The following FLNC variants were observed in gnomAD, a reference collection of about 807,000 sequenced individuals.
FLNC encodes filamin-C.
A neutral mutation model predicts 254.3 loss-of-function variants in FLNC; 91 were observed. That is an observed-to-expected ratio of 0.36 (90% confidence interval 0.30 to 0.43). The LOEUF is 0.43. Among genes scored for constraint, FLNC ranks in the 20% least tolerant of loss-of-function variants. The pLI, the probability that FLNC is intolerant of heterozygous loss-of-function variation, is 1.00. For missense variants in FLNC, 2,853 were observed against 3,802.6 expected (o/e 0.75, Z 6.57); for synonymous variants, 1,430 against 1,577.2 (o/e 0.91, Z 2.21).
In FLNC at chr7:128,853,324, C is replaced by G. The variant is rs113098816; in HGVS notation, c.6209-145C>G. 3.4e-3 allele frequency: 3,514 copies of G among 1,027,666 alleles called. 95 individuals carry two copies. The African/African-American group carries it at 0.05, about 15-fold the overall frequency. The allele number at this position is 1,027,666 out of a possible 1,614,324, so 63.7% of individuals were successfully genotyped here. A position where few individuals can be genotyped will look rare whatever the true frequency, so the allele number is the denominator to read the frequency against. On this transcript the variant is annotated intron_variant, in intron 37 of 47. Coordinates refer to ENST00000325888, the MANE Select transcript of FLNC (RefSeq NM_001458.5). ...CAGACCGCCTGTCCCGTGGTGCCCC[C>G]GCTCCTCCCACTGAGCCATTTTTGT...
At position 128,857,402 on chromosome 7, in the gene FLNC, G is replaced by A. The variant is rs1223831886; in HGVS notation, c.7780+66G>A. On this transcript the variant is annotated intron_variant, in intron 46 of 47. Coordinates refer to ENST00000325888, the MANE Select transcript of FLNC (RefSeq NM_001458.5). This position sits in a 1 kb window ranked among gnomAD's most constrained non-coding sequence, Gnocchi z 4.5. ...CAGCCCAGCCTGGAGGGCTCCGGTGGCCACGCACATCTAGGCCATAGTCTG... is the reference window on the plus strand; with the variant it reads ...CAGCCCAGCCTGGAGGGCTCCGGTGACCACGCACATCTAGGCCATAGTCTG... 2.9e-6 allele frequency: 3 copies of A among 1,042,068 alleles called. No individual in the cohort carries two copies. Among genetic ancestry groups the A allele is most frequent in the Admixed American group, 1.9e-5 (1 of 52,280 alleles). 64.6% of individuals were successfully genotyped at this position (1,042,068 alleles called of 1,614,324 possible). A position where few individuals can be genotyped will look rare whatever the true frequency, so the allele number is the denominator to read the frequency against.
At chr7:128,850,188 G>T in intron 31 of FLNC, 114 bp downstream of exon 31, 1 of 1,037,452 alleles carries the variant, frequency 9.6e-7, no homozygotes, top group East Asian at 2.5e-5. Context: ...TTGGGGAGCA[G>T]GCAAGAGTTA....
Position 128,841,282 on chromosome 7 carries a change from C to T in FLNC, c.1926C>T (p.Val642=). 6.2e-7 allele frequency: 1 copy of T among 1,614,114 alleles called. No homozygotes were observed. Among genetic ancestry groups the T allele is most frequent in the Non-Finnish European group, 8.5e-7 (1 of 1,180,006 alleles). The change falls in exon 12 of 48, where the codon GTC becomes GTT. Residue 642 remains valine, a synonymous_variant. Coordinates refer to ENST00000325888, the MANE Select transcript of FLNC (RefSeq NM_001458.5). The surrounding 1 kb of genome is among the most constrained non-coding windows in gnomAD (Gnocchi z 4.3). ...AGCCTGGGGAGTACGCTGTGCACGT[C>T]ATCTGTGACGATGAGGACATCCGAG... The part of the protein sequence containing the change: ...PTEPGEYAVH[V]ICDDEDIRDS...
chr7:128,855,189 C>A lies in FLNC; in HGVS notation c.7136-10C>A, dbSNP rs982485834. The stretch of plus-strand genomic sequence containing the variant: ...TCCCGGAACCTGTGCTGACTGGTCT[C>A]TCTCCCCAGGTGACTATGAGGTCTC... On this transcript the variant is annotated splice_polypyrimidine_tract_variant and intron_variant, in intron 42 of 47. Coordinates refer to ENST00000325888, the MANE Select transcript of FLNC (RefSeq NM_001458.5). 1.3e-6 allele frequency: 2 copies of A among 1,586,032 alleles called. No individual in the cohort carries two copies. Among genetic ancestry groups the A allele is most frequent in the East Asian group, 2.2e-5 (1 of 44,764 alleles).
intron 38 of FLNC, 34 bp from the exon 39 acceptor site, chr7:128,853,681 G>C (rs1808922216): frequency 2.5e-6 from 4 of 1,613,858 alleles, no homozygotes; most frequent in Non-Finnish European, 2.5e-6. Flanking sequence ...CTGGGGCTCT[G>C]AGGTTCCTGA....
chr7:128,843,862 G>A lies in FLNC; in HGVS notation c.2878G>A (p.Val960Met). Residue 960 changes from valine (V) to methionine (M), a missense_variant, in exon 19 of 48, where the codon GTG becomes ATG. This residue lies in a region of FLNC where 1,573 missense variants were observed against 1,883.5 expected (regional missense o/e 0.84). Coordinates refer to ENST00000325888, the MANE Select transcript of FLNC (RefSeq NM_001458.5). Reference protein sequence around the residue: ...PVPKSPFVVNVAPPLDLSKIK... With the variant: ...PVPKSPFVVNMAPPLDLSKIK... ...CCCCAAGAGCCCCTTTGTGGTGAAT[G>A]TGGCACCCCCGCTGGACCTCAGCAA... 1 of 1,614,012 alleles carries A rather than the reference G, an allele frequency of 6.2e-7. No individual in the cohort carries two copies. Among genetic ancestry groups the A allele is most frequent in the East Asian group, 2.2e-5 (1 of 44,886 alleles).
rs1808049541 is a variant in FLNC at position 128,835,261 on chromosome 7, G to T, written c.353-65G>T. On this transcript the variant is annotated intron_variant, in intron 1 of 47. Coordinates refer to ENST00000325888, the MANE Select transcript of FLNC (RefSeq NM_001458.5). This position sits in a 1 kb window ranked among gnomAD's most constrained non-coding sequence, Gnocchi z 5.3. Reference sequence around the variant, plus strand: ...GGCCCGAGGAGCTGCGCAGGTGAGGGAGGGTGCTCTGGGGCAGTGGAGGGT... The same window carrying T: ...GGCCCGAGGAGCTGCGCAGGTGAGGTAGGGTGCTCTGGGGCAGTGGAGGGT... The T allele has an allele frequency of 6.2e-7, 1 of 1,609,510 alleles. No homozygotes were observed. Among genetic ancestry groups the T allele is most frequent in the Non-Finnish European group, 8.5e-7 (1 of 1,178,754 alleles).
intron 37 of FLNC, 193 bp from the exon 38 acceptor site, chr7:128,853,276 G>C: frequency 1.4e-6 from 1 of 739,354 alleles, no homozygotes; most frequent in Non-Finnish European, 2.3e-6. Context: ...TGGAATCCAA[G>C]AGGCTTACCT....
chr7:128,842,867 C>T lies in FLNC; in HGVS notation c.2463C>T (p.Ile821=). 6.2e-7 allele frequency: 1 copy of T among 1,614,040 alleles called. No homozygotes were observed. The highest frequency in any genetic ancestry group is 8.5e-7 in the Non-Finnish European group (1 of 1,180,016). ...CAGAGGCTGACATTGACTTCGACAT[C>T]ATCAAGAATGACAACGACACCTTCA... ...GPAEADIDFD[I]IKNDNDTFTV... is the part of the protein sequence containing the mutation. The change falls in exon 16 of 48, where the codon ATC becomes ATT. Residue 821 remains isoleucine, a synonymous_variant. Coordinates refer to ENST00000325888, the MANE Select transcript of FLNC (RefSeq NM_001458.5). This position sits in a 1 kb window ranked among gnomAD's most constrained non-coding sequence, Gnocchi z 5.4.
intron 2 of FLNC, 71 bp from the exon 3 acceptor site, chr7:128,837,089 G>A (rs1360567359): frequency 4.8e-6 from 5 of 1,044,112 alleles, no homozygotes; most frequent in Non-Finnish European, 7.3e-6. Context: ...GAGGGTGTTG[G>A]GTGAACAAAT....
At position 128,856,960 on chromosome 7, in the gene FLNC, G is replaced by T; in HGVS notation, c.7561+39G>T. ...GCTGGGGAACAGGGTGACTTCTGGG[G>T]GTGCTTGGCCACTAGTCTGGTGCTG... On this transcript the variant is annotated intron_variant, in intron 45 of 47. Transcript: ENST00000325888. This position sits in a 1 kb window ranked among gnomAD's most constrained non-coding sequence, Gnocchi z 5.9. 6.2e-7 allele frequency: 1 copy of T among 1,608,720 alleles called. No individual in the cohort carries two copies.
Position 128,838,300 on chromosome 7 carries a change from C to T in FLNC, c.1081C>T (p.Arg361Cys), listed in dbSNP as rs200206944. 279 of 1,613,938 alleles carry T rather than the reference C, an allele frequency of 1.7e-4. No individual in the cohort carries two copies. The highest frequency in any genetic ancestry group is 5.3e-4 in the African/African-American group (40 of 74,940). The change falls in exon 7 of 48, where the codon CGC (arginine) becomes TGC (cysteine). Residue 361 changes from arginine to cysteine, a missense_variant. By Grantham distance (180) the Arg-to-Cys change is radical. This residue lies in a region of FLNC where 1,573 missense variants were observed against 1,883.5 expected (regional missense o/e 0.84). Transcript: ENST00000325888. The stretch of plus-strand genomic sequence containing the variant: ...GCTCTTTGCTGGCCAGAACATTGAA[C>T]GCAGTCCCTTTGAGGTGAACGTGGG... ...TVLFAGQNIE[R>C]SPFEVNVGMA... is the part of the protein sequence containing the mutation.
chr7:128,849,084 C>T, intron 28 of FLNC, 97 bp from the exon 29 acceptor site: 1 of 1,586,552 alleles, frequency 6.3e-7, no homozygotes, highest in Non-Finnish European at 8.6e-7. Context: ...TCGGAGAGCA[C>T]ACATGCCCTA....
In FLNC at chr7:128,846,146, A is replaced by G. The variant is rs2128936781; in HGVS notation, c.3947A>G (p.Tyr1316Cys). The part of the protein sequence containing the change: ...DNGDGTYRVQ[Y>C]TAYEEGVHLV... ...GGGGACGGCACCTACCGAGTGCAGT[A>G]CACCGCCTACGAGGAGGGTGAGGGC... The change falls in exon 22 of 48, where the codon TAC (tyrosine) becomes TGC (cysteine). Residue 1316 changes from tyrosine to cysteine, a missense_variant. Physicochemically the swap from Tyr to Cys is radical, Grantham distance 194. Transcript: ENST00000325888. 1.2e-6 allele frequency: 2 copies of G among 1,613,822 alleles called. No individual in the cohort carries two copies. The highest frequency in any genetic ancestry group is 1.7e-6 in the Non-Finnish European group (2 of 1,179,940).
Position 128,857,188 on chromosome 7 carries a change from C to T in FLNC, c.7632C>T (p.Gly2544=), listed in dbSNP as rs1297781614. The T allele has an allele frequency of 3.1e-6, 5 of 1,614,064 alleles. No individual in the cohort carries two copies. The highest frequency in any genetic ancestry group is 1.7e-5 in the Admixed American group (1 of 60,026). The change falls in exon 46 of 48, where the codon GGC becomes GGT. Residue 2544 remains glycine, a synonymous_variant. Coordinates refer to ENST00000325888, the MANE Select transcript of FLNC (RefSeq NM_001458.5). The surrounding 1 kb of genome is among the most constrained non-coding windows in gnomAD (Gnocchi z 4.5). ...GSGALSVTID[G]PSKVQLDCRE... is the part of the protein sequence containing the mutation. ...GGGCCTTGTCTGTCACCATTGATGG[C>T]CCCTCCAAGGTGCAGCTGGACTGTC...
chr7:128,837,390 C>T lies in FLNC; in HGVS notation c.700-8C>T, dbSNP rs2128934145. 1 of 1,614,070 alleles carries T rather than the reference C, an allele frequency of 6.2e-7. No individual in the cohort carries two copies. Among genetic ancestry groups the T allele is most frequent in the Non-Finnish European group, 8.5e-7 (1 of 1,180,000 alleles). ...GGCGCCATGTGACATCACTCCTTTC[C>T]ATCGCAGGTCATTGCCCCTGAGGAG... On this transcript the variant is annotated splice_region_variant and splice_polypyrimidine_tract_variant and intron_variant, in intron 3 of 47. Transcript: ENST00000325888.
chr7:128,841,295 G>A lies in FLNC; in HGVS notation c.1939G>A (p.Glu647Lys). The A allele has an allele frequency of 1.2e-6, 2 of 1,614,112 alleles. No homozygotes were observed. Among genetic ancestry groups the A allele is most frequent in the South Asian group, 1.1e-5 (1 of 91,086 alleles). The change falls in exon 12 of 48, where the codon GAG (glutamate) becomes AAG (lysine). Residue 647 changes from glutamate (E) to lysine (K), a missense_variant. Physicochemically the swap from Glu to Lys is moderately conservative, Grantham distance 56. Transcript: ENST00000325888. The surrounding 1 kb of genome is among the most constrained non-coding windows in gnomAD (Gnocchi z 4.3). The stretch of plus-strand genomic sequence containing the variant: ...CGCTGTGCACGTCATCTGTGACGAT[G>A]AGGACATCCGAGACTCACCCTTCAT... ...EYAVHVICDD[E>K]DIRDSPFIAH... is the part of the protein sequence containing the mutation.
intron 35 of FLNC, 92 bp downstream of exon 35, chr7:128,851,720 G>A (rs981456301): frequency 6.2e-5 from 84 of 1,347,814 alleles, no homozygotes; most frequent in African/African-American, 5.0e-4. Flanking sequence ...CAAGTCACTC[G>A]TGACATTAGG....
rs1463562933 is a variant in FLNC at position 128,842,985 on chromosome 7, A to G, written c.2550+31A>G. On this transcript the variant is annotated intron_variant, in intron 16 of 47. Coordinates refer to ENST00000325888, the MANE Select transcript of FLNC (RefSeq NM_001458.5). This position sits in a 1 kb window ranked among gnomAD's most constrained non-coding sequence, Gnocchi z 5.4. ...TAAGCTCCTGGGTACTCACAGCGAC[A>G]TGCACCTGCCAGCTCCAGAAGGCAG... 6 of 1,612,254 alleles carry G rather than the reference A, an allele frequency of 3.7e-6. No individual in the cohort carries two copies. Among genetic ancestry groups the G allele is most frequent in the South Asian group, 2.2e-5 (2 of 91,016 alleles).
Sources: gnomAD v4.1 joint callset for allele counts on GRCh38, gnomAD v4.1.1 for gene constraint, gnomAD v4.1.1 regional missense constraint, Gnocchi (gnomAD v3.1) non-coding constraint, MANE v1.5 for transcripts, NCBI Gene and HGNC (gene_info 2026-07-23, HGNC 2026-07-21) for gene names.